The following DMD variants were observed in gnomAD, a reference collection of about 807,000 sequenced individuals.
The protein encoded by DMD is mutant dystrophin.
A neutral mutation model predicts 330.1 loss-of-function variants in DMD; 63 were observed. The observed-to-expected ratio is 0.19, with a 90% CI of 0.16 to 0.24. The LOEUF (loss-of-function observed/expected upper bound fraction) is 0.24. Ranked by LOEUF, DMD falls within the 10% of genes least tolerant of loss-of-function variation. The probability of loss-of-function intolerance (pLI) is 1.00; values close to 1 mark genes in which losing one functional copy is unlikely to be tolerated. For synonymous variants in DMD, 1,223 were observed against 959.8 expected (o/e 1.27, Z -5.07); for missense variants, 3,344 against 2,684.1 (o/e 1.25, Z -5.43).
At chrX:32,811,844 C>A (rs1289579009) in intron 6 of DMD, among the ~76,000 whole-genome samples, 1 of 109,020 alleles carries the variant, frequency 9.2e-6, no homozygotes, top group Non-Finnish European at 1.9e-5. Context: ...TTTCGACTTG[C>A]ATTAAAAAAA....
chrX:33,091,780 C>G (rs1979314698), intron 1 of DMD, among the ~76,000 whole-genome samples: 1 of 111,498 alleles, frequency 9.0e-6, no homozygotes, highest in Admixed American at 9.6e-5. Flanking sequence ...CTAAAAGGTT[C>G]TTCAAAATAA....
chrX:32,206,408 T>A, intron 44 of DMD: 1 of 506,414 alleles, frequency 2.0e-6, no homozygotes, highest in Non-Finnish European at 3.6e-6. Context: ...ATTTTGATGA[T>A]GAGGAAACTG....
intron 44 of DMD, among the ~76,000 whole-genome samples, chrX:32,186,411 T>G (rs1459822085): frequency 8.9e-6 from 1 of 111,738 alleles, no homozygotes; most frequent in South Asian, 3.6e-4. Context: ...TGATTGATTC[T>G]GCATTTTTAG....
At chrX:33,299,999 T>C (rs2053638994) in intron 1 of DMD, among the ~76,000 whole-genome samples, 1 of 111,821 alleles carries the variant, frequency 8.9e-6, no homozygotes. Flanking sequence ...AGACAATGAA[T>C]ACTAATCAAA....
intron 63 of DMD, among the ~76,000 whole-genome samples, chrX:31,247,167 C>G (rs971308785): frequency 1.8e-5 from 2 of 111,730 alleles, no homozygotes; most frequent in Non-Finnish European, 3.8e-5. Flanking sequence ...TTTTCATGCC[C>G]GCTTACACAA....
chrX:32,272,310 C>T (rs1686989583), intron 43 of DMD, among the ~76,000 whole-genome samples: 1 of 112,240 alleles, frequency 8.9e-6, no homozygotes, highest in African/African-American at 3.2e-5. Flanking sequence ...CAAGTCAGGA[C>T]TCCTCAAGCA....
chrX:33,082,199 A>G (rs2094940908), intron 1 of DMD, among the ~76,000 whole-genome samples: 2 of 112,250 alleles, frequency 1.8e-5, no homozygotes, highest in Admixed American at 1.9e-4. Flanking sequence ...AAATATATCT[A>G]TAGCTTGTTT....
rs747239076 is a variant in DMD, at chrX:32,464,593, T to A, written c.3269A>T (p.Gln1090Leu). Residue 1090 changes from glutamine to leucine, a missense_variant, in exon 24 of 79, where the codon CAG becomes CTG. By Grantham distance (113) the Gln-to-Leu change is moderately radical. Coordinates refer to ENST00000357033, the MANE Select transcript of DMD (RefSeq NM_004006.3). ...ATCATATAAAAATCTTACTCTGCAC[T>A]GTTTCAGCTGCTTTTTTAGAATTTC... ...DSEILKKQLK[Q>L]CRLLVSDIQT... is the part of the protein sequence containing the mutation. 5.2e-5 allele frequency: 62 copies of A among 1,193,583 alleles called. No homozygotes were observed. The Middle Eastern group carries it at 1.4e-3, about 27-fold the overall frequency.
intron 44 of DMD, among the ~76,000 whole-genome samples, chrX:32,199,780 T>TGTGTGTGTGTG (rs2097024425): frequency 1.2e-5 from 1 of 84,137 alleles, no homozygotes; most frequent in Non-Finnish European, 2.2e-5. Context: ...CGCAAGGCTT[T>TGTGTGTGTGTG]TGTGTGTGTG....
At chrX:32,388,059 A>C (rs976896027) in intron 32 of DMD, among the ~76,000 whole-genome samples, 6 of 111,672 alleles carry the variant, frequency 5.4e-5, no homozygotes, top group African/African-American at 1.9e-4. Flanking sequence ...ACAATGAAAA[A>C]ACTAAACAGT....
At chrX:31,909,652 C>CA (rs772320823) in intron 47 of DMD, among the ~76,000 whole-genome samples, 37 of 111,704 alleles carry the variant, frequency 3.3e-4, no homozygotes, top group Middle Eastern at 9.3e-3. Context: ...CAGTTACTTA[C>CA]AGGCATATTA....
intron 61 of DMD, among the ~76,000 whole-genome samples, chrX:31,344,037 CGG>C (rs58479792): frequency 2.4e-5 from 2 of 83,212 alleles, no homozygotes; most frequent in African/African-American, 4.5e-5. Context: ...GATTGGAGTG[CGG>C]GGGGGGGTGG....
intron 7 of DMD, among the ~76,000 whole-genome samples, chrX:32,787,771 CTG>C (rs969085014): frequency 1.5e-4 from 15 of 96,953 alleles, no homozygotes; most frequent in Non-Finnish European, 2.8e-4. Flanking sequence ...GTAGCAGAAA[CTG>C]TAATGAATAA....
Position 32,788,447 on chromosome X carries a change from G to T in DMD, c.649+21046C>A, listed in dbSNP as rs368124996. Among the ~76,000 whole-genome samples the T allele has an allele frequency of 1.1e-4, 12 of 112,198 alleles. No homozygotes were observed. The East Asian group carries it at 2.5e-3, about 24-fold the overall frequency. ...GCATGTGGAAATCTGTATGTTGGTTGCTTCTGGGCCATCCAATGATACAAA... is the reference window on the plus strand; with the variant it reads ...GCATGTGGAAATCTGTATGTTGGTTTCTTCTGGGCCATCCAATGATACAAA... On this transcript the variant is annotated intron_variant, in intron 7 of 78. Coordinates refer to ENST00000357033, the MANE Select transcript of DMD (RefSeq NM_004006.3).
intron 43 of DMD, among the ~76,000 whole-genome samples, chrX:32,239,619 AC>A (rs1250213838): frequency 9.0e-6 from 1 of 111,367 alleles, no homozygotes; most frequent in Non-Finnish European, 1.9e-5. Context: ...AAAGGTATCC[AC>A]CATTATAGTA....
chrX:33,128,136 C>A, intron 1 of DMD: 1 of 1,207,152 alleles, frequency 8.3e-7, no homozygotes, highest in Non-Finnish European at 1.1e-6. Flanking sequence ...TTATCTGCAG[C>A]TTTTACTCAC....
At chrX:32,563,744 C>T (rs1025010575) in intron 16 of DMD, among the ~76,000 whole-genome samples, 1 of 111,894 alleles carries the variant, frequency 8.9e-6, no homozygotes, top group Non-Finnish European at 1.9e-5. Context: ...TAGTCCCATT[C>T]CAAGGGAATG....
At chrX:32,003,862 G>A (rs780986333) in intron 44 of DMD, among the ~76,000 whole-genome samples, 11 of 111,116 alleles carry the variant, frequency 9.9e-5, no homozygotes, top group African/African-American at 3.6e-4. Context: ...AGAAATGACC[G>A]TAGTTCTCTT....
At chrX:32,132,090 T>C (rs1250304199) in intron 44 of DMD, among the ~76,000 whole-genome samples, 2 of 111,998 alleles carry the variant, frequency 1.8e-5, no homozygotes, top group Non-Finnish European at 3.8e-5. Context: ...CAGTAACATA[T>C]ATTGCATGAG....
Sources: allele counts gnomAD v4.1 joint callset (sites outside exome capture counted in the v4.1 genomes callset), GRCh38; gene constraint gnomAD v4.1.1; transcripts MANE v1.5; gene names NCBI Gene and HGNC (gene_info 2026-07-23, HGNC 2026-07-21).